CCNH: variants seen among roughly 807,000 people sequenced by gnomAD.
The protein encoded by CCNH is cyclin H.
In CCNH, 31 loss-of-function variants were observed where a neutral mutation model predicts 41.9. The observed-to-expected ratio is 0.74, with a 90% CI of 0.56 to 1.00. CCNH has a LOEUF of 1.00. CCNH is among the 50% of genes least tolerant of loss of function. CCNH has a pLI of 0.00. For missense variants in CCNH, 362 were observed against 388.4 expected (o/e 0.93, Z 0.57); for synonymous variants, 138 against 136.1 (o/e 1.01, Z -0.10).
At chr5:87,335,762 C>T (rs1757932445) in intron 9 of CCNH, among the ~76,000 whole-genome samples, 1 of 152,104 alleles carries the variant, frequency 6.6e-6, no homozygotes, top group African/African-American at 2.4e-5. Flanking sequence ...AATGTGTTAA[C>T]AACTAGAAGA....
chr5:87,322,761 CTG>C (rs1052989711), intron 9 of CCNH, among the ~76,000 whole-genome samples: 5 of 152,170 alleles, frequency 3.3e-5, no homozygotes, highest in African/African-American at 9.7e-5. Context: ...AAGCCAGGAA[CTG>C]TGGACGAAAA....
Position 87,411,312 on chromosome 5 carries a change from T to A in CCNH, c.152A>T (p.His51Leu). ...GTATTTGCAGAGTGTCATTTCTTCATGAGGCTCAAGAAAGACTGGATCATT... is the reference window on the plus strand; with the variant it reads ...GTATTTGCAGAGTGTCATTTCTTCAAGAGGCTCAAGAAAGACTGGATCATT... ...LPNDPVFLEP[H>L]EEMTLCKYYE... Residue 51 changes from histidine to leucine, a missense_variant, in exon 2 of 9, where the codon CAT becomes CTT. Physicochemically the swap from His to Leu is moderately conservative, Grantham distance 99. Transcript: ENST00000256897. 6.2e-7 allele frequency: 1 copy of A among 1,612,562 alleles called. No homozygotes were observed. Among genetic ancestry groups the A allele is most frequent in the Non-Finnish European group, 8.5e-7 (1 of 1,179,316 alleles).
chr5:87,379,542 G>GT (rs1761559528), upstream of CCNH, among the ~76,000 whole-genome samples: 4 of 152,064 alleles, frequency 2.6e-5, no homozygotes, highest in African/African-American at 9.7e-5. Flanking sequence ...GGAATAAATG[G>GT]TAACAGACCT....
At chr5:87,332,403 GAA>G in intron 9 of CCNH, 1 of 1,205,030 alleles carries the variant, frequency 8.3e-7, no homozygotes, top group South Asian at 1.4e-5. Flanking sequence ...TAGTTACAAG[GAA>G]AAGAGTATGG....
At chr5:87,405,909 C>T (rs891584038) in intron 4 of CCNH, among the ~76,000 whole-genome samples, 1 of 151,944 alleles carries the variant, frequency 6.6e-6, no homozygotes, top group African/African-American at 2.4e-5. Context: ...CAGAGAAAAC[C>T]ATACAAGCAG....
chr5:87,373,850 TC>T (rs1761126566), downstream of CCNH, among the ~76,000 whole-genome samples: 1 of 152,106 alleles, frequency 6.6e-6, no homozygotes, highest in Non-Finnish European at 1.5e-5. Flanking sequence ...CTTCTTAACT[TC>T]ATTTTCTCTT....
chr5:87,324,587 A>G (rs1757077727), intron 9 of CCNH, among the ~76,000 whole-genome samples: 1 of 152,198 alleles, frequency 6.6e-6, no homozygotes, highest in African/African-American at 2.4e-5. Flanking sequence ...GAAAAAGGAA[A>G]CAGCATTTCT....
intron 4 of CCNH, among the ~76,000 whole-genome samples, chr5:87,405,958 C>T (rs184197077): frequency 7.0e-4 from 106 of 152,190 alleles, no homozygotes; most frequent in African/African-American, 2.0e-3. Context: ...GTTCATTGAC[C>T]TCAGCAAGGC....
At chr5:87,386,591 A>G (rs1762078349), downstream of CCNH, among the ~76,000 whole-genome samples, 2 of 152,028 alleles carry the variant, frequency 1.3e-5, no homozygotes, top group Admixed American at 1.3e-4. Context: ...CCATTTGCTT[A>G]TATACTAGAA....
At chr5:87,383,591 T>A in intron 9 of CCNH, 1 of 696,404 alleles carries the variant, frequency 1.4e-6, no homozygotes, top group Admixed American at 2.9e-5. Context: ...CTTTTATTGG[T>A]TTAGAGTGAA....
At chr5:87,346,755 T>C (rs755264319) in intron 9 of CCNH, 15 of 1,460,228 alleles carry the variant, frequency 1.0e-5, no homozygotes, top group Non-Finnish European at 1.4e-5. Context: ...TTTTCTAATG[T>C]CTATTTAAAG....
intron 9 of CCNH, among the ~76,000 whole-genome samples, chr5:87,329,901 C>T (rs2112361782): frequency 6.6e-6 from 1 of 152,218 alleles, no homozygotes; most frequent in African/African-American, 2.4e-5. Flanking sequence ...CATTTACGAT[C>T]TCTGGTGTAA....
chr5:87,390,122 T>C (rs1429767867), downstream of CCNH, among the ~76,000 whole-genome samples: 2 of 152,208 alleles, frequency 1.3e-5, no homozygotes, highest in African/African-American at 4.8e-5. Context: ...CAGATAAGGA[T>C]GTATTCAAAG....
Position 87,412,916 on chromosome 5 carries a change from C to T in CCNH, c.-122G>A. ...CGGAAGCCTAGGGCGTCCGGCTAGC[C>T]GGCGCTGGCGCGCTGTCGTCACGAT... On this transcript the variant is annotated 5_prime_UTR_variant, in exon 1 of 9. Transcript: ENST00000256897. The T allele has an allele frequency of 6.8e-7, 1 of 1,468,658 alleles. No individual in the cohort carries two copies. The highest frequency in any genetic ancestry group is 2.4e-5 in the Admixed American group (1 of 41,864). The allele number at this position is 1,468,658 out of a possible 1,614,324, so 91.0% of individuals were successfully genotyped here.
chr5:87,412,434 C>T (rs1361808451), intron 1 of CCNH: 2 of 1,364,028 alleles, frequency 1.5e-6, no homozygotes, highest in African/African-American at 1.5e-5. Flanking sequence ...ACACTACTTA[C>T]TCTCTTCTTC....
intron 9 of CCNH, among the ~76,000 whole-genome samples, chr5:87,325,392 A>C (rs775462854): frequency 9.2e-5 from 14 of 152,258 alleles, no homozygotes; most frequent in Non-Finnish European, 1.6e-4. Context: ...TTACAAATAA[A>C]TATGGGAGCT....
downstream of CCNH, among the ~76,000 whole-genome samples, chr5:87,374,002 A>T (rs990583468): frequency 1.3e-5 from 2 of 151,834 alleles, no homozygotes; most frequent in African/African-American, 4.8e-5. Flanking sequence ...TGTTTTAAGT[A>T]TGTCATATAC....
downstream of CCNH, among the ~76,000 whole-genome samples, chr5:87,375,781 T>C (rs914853087): frequency 1.3e-5 from 2 of 152,160 alleles, no homozygotes; most frequent in African/African-American, 2.4e-5. Flanking sequence ...AACTCAGGCT[T>C]AGGGAAGGAA....
intron 9 of CCNH, among the ~76,000 whole-genome samples, chr5:87,353,653 G>GGTAA (rs1561303773): frequency 6.6e-6 from 1 of 152,054 alleles, no homozygotes; most frequent in East Asian, 1.9e-4. Flanking sequence ...GTAGTTTTAC[G>GGTAA]GTGAGAGGAT....
Sources: gnomAD v4.1 joint callset for allele counts (sites outside exome capture counted in the v4.1 genomes callset) on GRCh38, gnomAD v4.1.1 for gene constraint, MANE v1.5 for transcripts, NCBI Gene and HGNC (gene_info 2026-07-23, HGNC 2026-07-21) for gene names.